The following GAB2 variants were observed in gnomAD, a reference collection of about 807,000 sequenced individuals.
The protein encoded by GAB2 is GRB2 associated binding protein 2, also known as GRB2-associated-binding protein 2.
In GAB2, 26 loss-of-function variants were observed where a neutral mutation model predicts 65.5. That is an observed-to-expected ratio of 0.40 (90% confidence interval 0.29 to 0.55). GAB2 has a LOEUF of 0.55. Ranked by LOEUF, GAB2 falls within the 20% of genes least tolerant of loss-of-function variation. GAB2 has a pLI of 0.53. For synonymous variants in GAB2, 321 were observed against 329.6 expected, an observed-to-expected ratio of 0.97 and a Z score of 0.28; for missense variants, 884 against 875.8, an observed-to-expected ratio of 1.01 and a Z score of -0.12.
At chr11:78,331,874 T>G (rs1259046039) in intron 1 of GAB2, among the ~76,000 whole-genome samples, 1 of 152,082 alleles carries the variant, frequency 6.6e-6, no homozygotes, top group Non-Finnish European at 1.5e-5. Flanking sequence ...TGCCATTGTT[T>G]ATAGCCCAGA....
intron 2 of GAB2, among the ~76,000 whole-genome samples, chr11:78,279,619 ACT>A (rs1286264261): frequency 7.9e-5 from 12 of 151,732 alleles, no homozygotes; most frequent in African/African-American, 2.9e-4. Context: ...CGCTTCTCAC[ACT>A]GTCACTCTCA....
chr11:78,369,702 C>T (rs545991415), intron 1 of GAB2, among the ~76,000 whole-genome samples: 8 of 152,266 alleles, frequency 5.3e-5, no homozygotes, highest in African/African-American at 1.7e-4. Context: ...ATGGTCATTT[C>T]AGCACATTTT....
At chr11:78,343,157 T>A (rs576374118) in intron 1 of GAB2, among the ~76,000 whole-genome samples, 1 of 152,296 alleles carries the variant, frequency 6.6e-6, no homozygotes, top group South Asian at 2.1e-4. Context: ...AAATTCATAA[T>A]CTGAACAGTT....
intron 1 of GAB2, among the ~76,000 whole-genome samples, chr11:78,332,183 A>T (rs2134678607): frequency 6.6e-6 from 1 of 152,364 alleles, no homozygotes; most frequent in East Asian, 1.9e-4. Flanking sequence ...TGGGCAGATT[A>T]TGTCCAAGAA....
chr11:78,279,565 A>T (rs1866273713), intron 2 of GAB2, among the ~76,000 whole-genome samples: 1 of 152,130 alleles, frequency 6.6e-6, no homozygotes, highest in Non-Finnish European at 1.5e-5. Context: ...TAATTCCAGA[A>T]CATTTTTACC....
chr11:78,360,897 C>T (rs1856426686), intron 1 of GAB2, among the ~76,000 whole-genome samples: 1 of 152,056 alleles, frequency 6.6e-6, no homozygotes, highest in African/African-American at 2.4e-5. Flanking sequence ...AAAAAACCCA[C>T]CATATTTGTT....
At chr11:78,265,768 A>C (rs1865859024) in intron 2 of GAB2, among the ~76,000 whole-genome samples, 1 of 152,118 alleles carries the variant, frequency 6.6e-6, no homozygotes, top group African/African-American at 2.4e-5. Flanking sequence ...CAGGTATCTC[A>C]CACTTTGTCA....
rs114924230 is a variant in GAB2, at chr11:78,377,737, G to A, written c.75+39909C>T. On this transcript the variant is annotated intron_variant, in intron 1 of 9. Transcript: ENST00000361507. The stretch of plus-strand genomic sequence containing the variant: ...TATTGTAGCAAAGATTAAATGAGAT[G>A]CAATCGGCTCATACCTGCAAAGTTT... 8.3e-3 allele frequency among the ~76,000 whole-genome samples: 1,259 copies of A among 152,202 alleles called. 13 individuals are homozygous for A. The highest frequency in any genetic ancestry group is 0.029 in the African/African-American group (1,185 of 41,516).
chr11:78,352,552 C>T (rs1591059900), intron 1 of GAB2, among the ~76,000 whole-genome samples: 1 of 152,270 alleles, frequency 6.6e-6, no homozygotes, highest in African/African-American at 2.4e-5. Flanking sequence ...CTCCCTTCAC[C>T]CTTGTTACAG....
At chr11:78,253,442 C>T (rs1009478428) in intron 2 of GAB2, among the ~76,000 whole-genome samples, 4 of 152,270 alleles carry the variant, frequency 2.6e-5, no homozygotes, top group East Asian at 3.9e-4. Context: ...CAGGCATGCA[C>T]CACCACGCCA....
intron 1 of GAB2, among the ~76,000 whole-genome samples, chr11:78,410,143 G>A (rs1411941898): frequency 6.6e-6 from 1 of 152,170 alleles, no homozygotes; most frequent in East Asian, 1.9e-4. Flanking sequence ...TGCTGAGAGG[G>A]AAATTCATAG....
chr11:78,368,267 ATCTGC>A (rs1477177010), intron 1 of GAB2, among the ~76,000 whole-genome samples: 5 of 152,208 alleles, frequency 3.3e-5, no homozygotes, highest in Admixed American at 6.5e-5. Context: ...CAACCAATGC[ATCTGC>A]CTTGATGGTT....
chr11:78,398,659 A>T (rs559102396), intron 1 of GAB2, among the ~76,000 whole-genome samples: 27 of 152,372 alleles, frequency 1.8e-4, no homozygotes, highest in African/African-American at 6.5e-4. Context: ...GTGATAACTG[A>T]TGTTGGTTAT....
Position 78,270,884 on chromosome 11 carries a change from T to C in GAB2, c.376+9717A>G, listed in dbSNP as rs79924730. ...AGCATCATCTCCATTTTACAGATGA[T>C]AAAACCTCCAAGAGGGAAAGTGATT... On this transcript the variant is annotated intron_variant, in intron 2 of 9. Coordinates refer to ENST00000361507, the MANE Select transcript of GAB2 (RefSeq NM_080491.3). Among the ~76,000 whole-genome samples the C allele has an allele frequency of 8.4e-3, 1,284 of 152,326 alleles. 18 individuals carry two copies. The highest frequency in any genetic ancestry group is 0.029 in the African/African-American group (1,211 of 41,572).
chr11:78,242,961 G>A (rs748262263), intron 3 of GAB2, among the ~76,000 whole-genome samples: 30 of 152,034 alleles, frequency 2.0e-4, no homozygotes, highest in African/African-American at 7.0e-4. Context: ...TCAGGAGTTC[G>A]AGACCAGCCT....
chr11:78,398,211 C>T (rs905635983), intron 1 of GAB2, among the ~76,000 whole-genome samples: 3 of 152,182 alleles, frequency 2.0e-5, no homozygotes, highest in Non-Finnish European at 4.4e-5. Context: ...TAAGGAAAGA[C>T]ACGCTGTCTA....
At chr11:78,329,397 T>C (rs1054381439) in intron 1 of GAB2, among the ~76,000 whole-genome samples, 9 of 152,170 alleles carry the variant, frequency 5.9e-5, no homozygotes, top group South Asian at 2.1e-4. Context: ...GATTTATGTA[T>C]CTCTCATCTG....
chr11:78,371,981 G>C (rs952025494), intron 1 of GAB2, among the ~76,000 whole-genome samples: 4 of 149,862 alleles, frequency 2.7e-5, no homozygotes, highest in Non-Finnish European at 5.9e-5. Context: ...ATTTTGTAGG[G>C]CTAGTTTAAG....
At chr11:78,219,483 G>T in intron 9 of GAB2, 68 bp from the exon 10 acceptor site, 1 of 1,451,610 alleles carries the variant, frequency 6.9e-7, no homozygotes, top group South Asian at 1.2e-5. Flanking sequence ...GAAGAAGGTG[G>T]GCACGGGATC....
Sources: gnomAD v4.1 joint callset for allele counts (sites outside exome capture counted in the v4.1 genomes callset) on GRCh38, gnomAD v4.1.1 for gene constraint, MANE v1.5 for transcripts, NCBI Gene and HGNC (gene_info 2026-07-23, HGNC 2026-07-21) for gene names.